C4orf50: variants seen among roughly 807,000 people sequenced by gnomAD.
C4orf50 encodes chromosome 4 open reading frame 50.
In C4orf50, 80 loss-of-function variants were observed where a neutral mutation model predicts 77.2. The observed-to-expected ratio is 1.04, with a 90% CI of 0.87 to 1.25. The LOEUF (loss-of-function observed/expected upper bound fraction) is 1.25. C4orf50 is among the 50% of genes most tolerant of loss of function. The pLI, the probability that C4orf50 is intolerant of heterozygous loss-of-function variation, is 0.00. For synonymous variants in C4orf50, 532 were observed against 465.3 expected, an observed-to-expected ratio of 1.14 and a Z score of -1.84; for missense variants, 1,257 against 1,152.9, an observed-to-expected ratio of 1.09 and a Z score of -1.31.
intron 33 of C4orf50, among the ~76,000 whole-genome samples, chr4:5,962,526 C>G (rs1380348646): frequency 2.0e-5 from 3 of 152,250 alleles, no homozygotes; most frequent in Non-Finnish European, 4.4e-5. Flanking sequence ...TCACACTGAG[C>G]TCCAGATTGG....
At chr4:5,943,832 G>A (rs1038648201) in intron 7 of C4orf50, among the ~76,000 whole-genome samples, 3 of 152,126 alleles carry the variant, frequency 2.0e-5, no homozygotes, top group Admixed American at 1.3e-4. Context: ...TAGACTCATC[G>A]GACTTCATCT....
At chr4:5,956,556 A>G (rs1718967798), downstream of C4orf50, 1 of 152,302 alleles carries the variant, frequency 6.6e-6, no homozygotes, top group African/African-American at 2.4e-5. Context: ...GCCTCCCGGG[A>G]GCACAGGAAA....
At chr4:6,010,261 G>A (rs540114067) in intron 24 of C4orf50, among the ~76,000 whole-genome samples, 3 of 152,296 alleles carry the variant, frequency 2.0e-5, no homozygotes, top group Non-Finnish European at 2.9e-5. Flanking sequence ...GTAATGATGA[G>A]GTACTATGAG....
chr4:5,966,210 T>G lies in C4orf50; in HGVS notation c.4154-1065A>C, dbSNP rs1319298927. On this transcript the variant is annotated intron_variant, in intron 32 of 33. Coordinates refer to ENST00000531445, the Ensembl canonical transcript of C4orf50. The stretch of plus-strand genomic sequence containing the variant: ...ATAAAAGTAGGCCGGGTGCAGTGGC[T>G]CATGCCTGTAATCCCAGCACTTTGG... 2.0e-5 allele frequency among the ~76,000 whole-genome samples: 3 copies of G among 152,344 alleles called. No individual in the cohort carries two copies. The East Asian group carries it at 5.8e-4, about 29-fold the overall frequency.
intron 7 of C4orf50, among the ~76,000 whole-genome samples, chr4:5,920,134 T>C (rs1418711757): frequency 6.6e-6 from 1 of 152,218 alleles, no homozygotes; most frequent in Non-Finnish European, 1.5e-5. Flanking sequence ...CATCCTCAGA[T>C]GTGGGTCTCC....
chr4:5,926,397 G>C (rs755528811), intron 7 of C4orf50, among the ~76,000 whole-genome samples: 11 of 152,192 alleles, frequency 7.2e-5, no homozygotes, highest in Non-Finnish European at 1.6e-4. Flanking sequence ...AGACCCACAG[G>C]GACGGAAAGT....
At chr4:5,899,450 G>C (rs1161898517) in intron 7 of C4orf50, 2 of 152,202 alleles carry the variant, frequency 1.3e-5, no homozygotes, top group African/African-American at 4.8e-5. Context: ...CCACAGCGGA[G>C]CTCAAAGCAG....
intron 28 of C4orf50, among the ~76,000 whole-genome samples, chr4:5,982,631 C>T (rs190609157): frequency 1.6e-4 from 24 of 152,324 alleles, no homozygotes; most frequent in African/African-American, 4.8e-4. Flanking sequence ...CAATTTGTAG[C>T]ATTTGCCAGT....
intron 7 of C4orf50, among the ~76,000 whole-genome samples, chr4:5,928,531 A>G (rs1717622530): frequency 1.3e-5 from 2 of 152,210 alleles, no homozygotes; most frequent in Admixed American, 1.3e-4. Flanking sequence ...GTGTGCTGAC[A>G]GGGACGGGCA....
In C4orf50 at chr4:5,936,554, C is replaced by T. The variant is rs539430391; in HGVS notation, c.*2474+20347G>A. ...TCCAGCCTGGGCAACAATGGCAAGACGCCATCTCAAAAAAAAAAAAAAAAA... is the reference window on the plus strand; with the variant it reads ...TCCAGCCTGGGCAACAATGGCAAGATGCCATCTCAAAAAAAAAAAAAAAAA... On this transcript the variant is annotated intron_variant, in intron 7 of 7. Coordinates refer to the C4orf50 transcript ENST00000324058. Among the ~76,000 whole-genome samples the T allele has an allele frequency of 1.6e-4, 17 of 108,166 alleles. 1 individual carries two copies. The South Asian group carries it at 4.5e-3, about 29-fold the overall frequency. The allele number at this position is 108,166 out of a possible 152,430, so 71.0% of individuals were successfully genotyped here. A position where few individuals can be genotyped will look rare whatever the true frequency, so the allele number is the denominator to read the frequency against.
intron 25 of C4orf50, among the ~76,000 whole-genome samples, chr4:6,004,082 GATAGTGA>G (rs1722041195): frequency 1.1e-4 from 6 of 52,434 alleles, no homozygotes; most frequent in Admixed American, 2.2e-4. Context: ...GTGATGATGT[GATAGTGA>G]TGATGGTGAT....
At chr4:5,952,809 ACAGTTCCCGACACCG>A (rs1348364541), downstream of C4orf50, among the ~76,000 whole-genome samples, 60 of 152,250 alleles carry the variant, frequency 3.9e-4, no homozygotes, top group Middle Eastern at 3.4e-3. This position sits in a 1 kb window ranked among gnomAD's most constrained non-coding sequence, Gnocchi z 4.4. Flanking sequence ...ATGGACACGC[ACAGTTCCCGACACCG>A]ACACTCCCGC....
At chr4:5,967,509 G>A in intron 31 of C4orf50, 47 bp from the exon 10 acceptor site, 1 of 1,549,330 alleles carries the variant, frequency 6.5e-7, no homozygotes, top group Non-Finnish European at 8.9e-7. Context: ...GCACTGGAGA[G>A]ACAGCCTTGC....
At chr4:5,955,646 C>G (rs987077606), downstream of C4orf50, among the ~76,000 whole-genome samples, 1 of 152,178 alleles carries the variant, frequency 6.6e-6, no homozygotes, top group Admixed American at 6.5e-5. This position sits in a 1 kb window ranked among gnomAD's most constrained non-coding sequence, Gnocchi z 5.1. Flanking sequence ...AGCGCCTCAC[C>G]AGCCTCCAAA....
chr4:6,003,934 A>ATGATGTGATGGTGATGTTGATGATGG (rs1722006621), intron 25 of C4orf50, among the ~76,000 whole-genome samples: 2 of 23,774 alleles, frequency 8.4e-5, no homozygotes, highest in Non-Finnish European at 7.7e-5. Flanking sequence ...GATGGTGATG[A>ATGATGTGATGGTGATGTTGATGATGG]TGGTGATGGT....
At position 6,017,706 on chromosome 4, in the gene C4orf50, TTCTG is replaced by T. The variant is rs1291626686; in HGVS notation, c.287+435_287+438del. Among the ~76,000 whole-genome samples the T allele has an allele frequency of 6.6e-6, 1 of 152,146 alleles. No homozygotes were observed. The highest frequency in any genetic ancestry group is 6.6e-5 in the Admixed American group (1 of 15,266). On this transcript the variant is annotated intron_variant, in intron 23 of 33. Transcript: ENST00000531445. This position sits in a 1 kb window ranked among gnomAD's most constrained non-coding sequence, Gnocchi z 4.7. Reference sequence around the variant, plus strand: ...GTCTGGCGGCTGCCTAAAACCATGCTTCTGTCTGCCAGTTCCCCTAAAAAAATCA... The same window carrying T: ...GTCTGGCGGCTGCCTAAAACCATGCTTCTGCCAGTTCCCCTAAAAAAATCA...
chr4:5,955,555 C>A (rs926834126), downstream of C4orf50, among the ~76,000 whole-genome samples: 1 of 152,188 alleles, frequency 6.6e-6, no homozygotes, highest in African/African-American at 2.4e-5. The surrounding 1 kb of genome is among the most constrained non-coding windows in gnomAD (Gnocchi z 5.1). Context: ...GGGCAGAGGG[C>A]CCACAGCTGC....
intron 7 of C4orf50, among the ~76,000 whole-genome samples, chr4:5,950,307 G>A (rs1280668777): frequency 6.6e-6 from 1 of 152,160 alleles, no homozygotes; most frequent in Non-Finnish European, 1.5e-5. Flanking sequence ...AGGTGTGATG[G>A]AGCTGGTATC....
Position 6,000,874 on chromosome 4 carries a change from C to T in C4orf50, c.964-6398G>A, listed in dbSNP as rs908536278. 6.6e-6 allele frequency among the ~76,000 whole-genome samples: 1 copy of T among 152,168 alleles called. No individual in the cohort carries two copies. The highest frequency in any genetic ancestry group is 6.5e-5 in the Admixed American group (1 of 15,280). On this transcript the variant is annotated intron_variant, in intron 25 of 33. Coordinates refer to ENST00000531445, the Ensembl canonical transcript of C4orf50. This position sits in a 1 kb window ranked among gnomAD's most constrained non-coding sequence, Gnocchi z 6.0. ...TATTACCGTCTGAATTTTCATGTCC[C>T]CCCAAAACTCATCCGTTAAAACCCA... is the stretch of plus-strand genomic sequence containing the variant.
Sources: allele counts gnomAD v4.1 joint callset (sites outside exome capture counted in the v4.1 genomes callset), GRCh38; gene constraint gnomAD v4.1.1; non-coding constraint Gnocchi (gnomAD v3.1); transcripts MANE v1.5; gene names NCBI Gene and HGNC (gene_info 2026-07-23, HGNC 2026-07-21).